Variants in CDC42BPB observed in about 807,000 individuals in gnomAD.
CDC42BPB encodes the protein serine/threonine-protein kinase MRCK beta.
In CDC42BPB, 37 loss-of-function variants were observed where a neutral mutation model predicts 214.9. The ratio of observed to expected loss-of-function variants is 0.17; its 90% confidence interval spans 0.13 to 0.23. The LOEUF is 0.23. CDC42BPB is among the 10% of genes least tolerant of loss of function. The pLI, the probability that CDC42BPB is intolerant of heterozygous loss-of-function variation, is 1.00. For missense variants in CDC42BPB, 1,694 were observed against 2,227.0 expected (o/e 0.76, Z 4.82); for synonymous variants, 931 against 884.0 (o/e 1.05, Z -0.94).
At chr14:103,024,816 T>C (rs879565005) in intron 1 of CDC42BPB, among the ~76,000 whole-genome samples, 1 of 152,150 alleles carries the variant, frequency 6.6e-6, no homozygotes, top group Non-Finnish European at 1.5e-5. Context: ...TGGGCTCAAG[T>C]GATCTGCCCA....
chr14:102,993,677 A>G (rs1382296276), intron 5 of CDC42BPB, among the ~76,000 whole-genome samples: 4 of 152,104 alleles, frequency 2.6e-5, no homozygotes, highest in Non-Finnish European at 4.4e-5. Flanking sequence ...ACTTTTCACC[A>G]TGGCTTCCTG....
At chr14:103,022,332 G>T (rs1469442633) in intron 1 of CDC42BPB, among the ~76,000 whole-genome samples, 1 of 152,092 alleles carries the variant, frequency 6.6e-6, no homozygotes, top group Non-Finnish European at 1.5e-5. Context: ...GAGAGGTGGG[G>T]TGGAGACAGA....
At chr14:102,939,085 T>C (rs1264933053) in intron 34 of CDC42BPB, among the ~76,000 whole-genome samples, 3 of 152,046 alleles carry the variant, frequency 2.0e-5, no homozygotes, top group African/African-American at 7.2e-5. Flanking sequence ...TACAGGCACC[T>C]GCCGCCACAC....
chr14:102,970,618 C>T (rs1053664373), intron 13 of CDC42BPB, among the ~76,000 whole-genome samples: 2 of 152,146 alleles, frequency 1.3e-5, no homozygotes, highest in African/African-American at 2.4e-5. Flanking sequence ...ACACGAAGAA[C>T]GAGCAGAATA....
Position 103,038,394 on chromosome 14 carries a change from C to T in CDC42BPB, c.175+18605G>A, listed in dbSNP as rs142164985. Among the ~76,000 whole-genome samples the T allele has an allele frequency of 4.6e-5, 7 of 151,550 alleles. No individual in the cohort carries two copies. In the South Asian group the frequency reaches 8.4e-4, roughly 18 times the overall value. On this transcript the variant is annotated intron_variant, in intron 1 of 36. Transcript: ENST00000361246. The stretch of plus-strand genomic sequence containing the variant: ...TCAGCACTCCTTAATAGCCCCAAAG[C>T]GGGCAACCCAGATGTCCATCAGGAG...
chr14:102,961,530 A>ACCC (rs150777406), intron 20 of CDC42BPB, among the ~76,000 whole-genome samples: 21 of 123,706 alleles, frequency 1.7e-4, no homozygotes, highest in African/African-American at 6.6e-4. Context: ...AGATGGCAAA[A>ACCC]CCCCCCCCAC....
intron 19 of CDC42BPB, among the ~76,000 whole-genome samples, 196 bp downstream of exon 19, chr14:102,964,306 C>A (rs762190967): frequency 2.6e-5 from 4 of 152,248 alleles, no homozygotes; most frequent in Non-Finnish European, 4.4e-5. Context: ...TGCACCCTCG[C>A]GGCCACCTCA....
At position 102,938,362 on chromosome 14, in the gene CDC42BPB, T is replaced by A. The variant is rs764828871; in HGVS notation, c.4877A>T (p.Asn1626Ile). The A allele has an allele frequency of 5.0e-6, 8 of 1,590,354 alleles. No homozygotes were observed. The highest frequency in any genetic ancestry group is 6.8e-6 in the Non-Finnish European group (8 of 1,169,984). Residue 1626 changes from asparagine (N) to isoleucine (I), a missense_variant, in exon 35 of 37, where the codon AAC becomes ATC. This residue lies in a region of CDC42BPB where 146 missense variants were observed against 134.1 expected (regional missense o/e 1.09). Coordinates refer to ENST00000361246, the MANE Select transcript of CDC42BPB (RefSeq NM_006035.4). ...CCTGGATGGAGGCTGGCGAGCCAGG[T>A]TGGTGGGAGCGGGGCCCGGCCTTTC... Reference protein sequence around the residue: ...QEERPGPAPTNLARQPPSRNK... With the variant: ...QEERPGPAPTILARQPPSRNK...
intron 5 of CDC42BPB, among the ~76,000 whole-genome samples, chr14:102,994,474 G>A (rs184077770): frequency 1.8e-4 from 27 of 152,234 alleles, no homozygotes; most frequent in African/African-American, 5.3e-4. Flanking sequence ...CCCAACCGCC[G>A]AGGCCTTTAG....
intron 1 of CDC42BPB, among the ~76,000 whole-genome samples, chr14:103,027,570 T>C (rs1887120813): frequency 6.6e-6 from 1 of 152,174 alleles, no homozygotes; most frequent in Non-Finnish European, 1.5e-5. Flanking sequence ...CAATACAACA[T>C]GGATGAACCT....
chr14:102,938,269 C>T (rs772247003), intron 35 of CDC42BPB, 37 bp downstream of exon 35: 4 of 1,600,984 alleles, frequency 2.5e-6, no homozygotes, highest in Non-Finnish European at 3.4e-6. Flanking sequence ...TACCCCCCAC[C>T]TCCCCCAGGG....
rs1396777230 is a variant in CDC42BPB, at chr14:102,997,726, CAGA to C, written c.596+1836_596+1838del. Among the ~76,000 whole-genome samples the C allele has an allele frequency of 3.3e-5, 5 of 152,304 alleles. No individual in the cohort carries two copies. The East Asian group carries it at 9.6e-4, about 29-fold the overall frequency. The stretch of plus-strand genomic sequence containing the variant: ...AGGCAATTATCAACTCCAGAGAAAG[CAGA>C]AGTTTATGTAAGTGTAGTTCTCAAC... On this transcript the variant is annotated intron_variant, in intron 5 of 36. Transcript: ENST00000361246.
chr14:103,020,873 C>A (rs1566908479), intron 1 of CDC42BPB, among the ~76,000 whole-genome samples: 1 of 152,216 alleles, frequency 6.6e-6, no homozygotes, highest in African/African-American at 2.4e-5. Flanking sequence ...TCAAATTACA[C>A]AAAATGTGTT....
At chr14:102,986,316 T>C in intron 6 of CDC42BPB, 171 bp downstream of exon 6, 1 of 559,944 alleles carries the variant, frequency 1.8e-6, no homozygotes, top group Non-Finnish European at 3.2e-6. Context: ...AACTTAATTT[T>C]TATTTGGGAA....
intron 24 of CDC42BPB, among the ~76,000 whole-genome samples, chr14:102,951,535 T>A (rs1295798061): frequency 6.6e-6 from 1 of 152,150 alleles, no homozygotes; most frequent in Non-Finnish European, 1.5e-5. Flanking sequence ...ACACCTGTAA[T>A]CCCAGCACTT....
At chr14:102,946,406 T>C in intron 28 of CDC42BPB, 62 bp downstream of exon 28, 1 of 1,574,320 alleles carries the variant, frequency 6.4e-7, no homozygotes, top group Non-Finnish European at 8.7e-7. Context: ...AGATGGGCAC[T>C]GCAGCGCCGC....
intron 1 of CDC42BPB, among the ~76,000 whole-genome samples, chr14:103,039,824 A>G (rs1315182685): frequency 6.6e-6 from 1 of 152,208 alleles, no homozygotes; most frequent in Non-Finnish European, 1.5e-5. Context: ...AAGAAGCAGA[A>G]CTATCTGTAC....
intron 30 of CDC42BPB, among the ~76,000 whole-genome samples, chr14:102,942,562 A>G: frequency 6.6e-6 from 1 of 152,168 alleles, no homozygotes; most frequent in East Asian, 1.9e-4. Context: ...TTCTGTTTTA[A>G]AAGACAGGGT....
chr14:102,944,959 G>T lies in CDC42BPB; in HGVS notation c.3812-472C>A, dbSNP rs1892086139. On this transcript the variant is annotated intron_variant, in intron 29 of 36. Transcript: ENST00000361246. This position sits in a 1 kb window ranked among gnomAD's most constrained non-coding sequence, Gnocchi z 6.6. ...TCCTCTGAAGACGCTGCCCTCACAG[G>T]GCCCCCAGTGAAGACACTGCCCTCA... is the stretch of plus-strand genomic sequence containing the variant. 6.6e-6 allele frequency among the ~76,000 whole-genome samples: 1 copy of T among 152,042 alleles called. No individual in the cohort carries two copies. Among genetic ancestry groups the T allele is most frequent in the Admixed American group, 6.5e-5 (1 of 15,270 alleles).
Sources: allele counts gnomAD v4.1 joint callset (sites outside exome capture counted in the v4.1 genomes callset), GRCh38; gene constraint gnomAD v4.1.1; regional missense constraint gnomAD v4.1.1; non-coding constraint Gnocchi (gnomAD v3.1); transcripts MANE v1.5; gene names NCBI Gene and HGNC (gene_info 2026-07-23, HGNC 2026-07-21).